MKNK1: variants seen among roughly 807,000 people sequenced by gnomAD.
MKNK1 encodes the protein MAPK interacting serine/threonine kinase 1.
Under a neutral mutation model 49.3 loss-of-function variants are expected in MKNK1, and 30 were observed. The ratio of observed to expected loss-of-function variants is 0.61; its 90% confidence interval spans 0.46 to 0.83. The LOEUF (loss-of-function observed/expected upper bound fraction) is 0.83. Ranked by LOEUF, MKNK1 falls within the 40% of genes least tolerant of loss-of-function variation. The probability of loss-of-function intolerance (pLI) is 0.00; values close to 1 mark genes in which losing one functional copy is unlikely to be tolerated. For synonymous variants in MKNK1, 176 were observed against 201.7 expected (o/e 0.87, Z 1.08); for missense variants, 423 against 524.7 (o/e 0.81, Z 1.89).
chr1:46,560,160 T>TC, intron 12 of MKNK1, 74 bp downstream of exon 12: 1 of 1,547,790 alleles, frequency 6.5e-7, no homozygotes, highest in Non-Finnish European at 8.9e-7. Flanking sequence ...AGAGATGGGC[T>TC]CCCCCGGCCC....
intron 1 of MKNK1, among the ~76,000 whole-genome samples, chr1:46,599,368 G>A (rs998057157): frequency 1.3e-5 from 2 of 152,124 alleles, no homozygotes; most frequent in Non-Finnish European, 2.9e-5. Context: ...CTTTTGTAAC[G>A]TCAATCTCCC....
intron 2 of MKNK1, among the ~76,000 whole-genome samples, chr1:46,591,626 G>A (rs1471383269): frequency 1.3e-5 from 2 of 152,090 alleles, no homozygotes; most frequent in African/African-American, 4.8e-5. Context: ...TGCGCTCAAG[G>A]CCCCCAAGCA....
chr1:46,559,196 C>T (rs1347351389), intron 12 of MKNK1, among the ~76,000 whole-genome samples: 1 of 152,242 alleles, frequency 6.6e-6, no homozygotes. Flanking sequence ...ATGCCACGTC[C>T]CCAGCACCTA....
intron 6 of MKNK1, among the ~76,000 whole-genome samples, chr1:46,573,462 T>C (rs755196813): frequency 5.3e-5 from 8 of 152,236 alleles, no homozygotes; most frequent in Admixed American, 2.6e-4. Flanking sequence ...TTATGTTTAC[T>C]ACTAGAAGCC....
chr1:46,578,319 G>C (rs1557862070), intron 4 of MKNK1, among the ~76,000 whole-genome samples: 1 of 152,138 alleles, frequency 6.6e-6, no homozygotes, highest in Admixed American at 6.5e-5. Context: ...GTATTGTGGG[G>C]CCATGTTGGG....
chr1:46,564,991 G>T, intron 9 of MKNK1, 50 bp downstream of exon 9: 1 of 1,564,976 alleles, frequency 6.4e-7, no homozygotes, highest in East Asian at 2.2e-5. Context: ...CCCAGCTCTG[G>T]ATCAGGGAAA....
intron 7 of MKNK1, chr1:46,571,367 G>T (rs933651814): frequency 1.1e-5 from 3 of 270,414 alleles, no homozygotes; most frequent in Non-Finnish European, 2.2e-5. Context: ...AACAGAGGGA[G>T]ACCCCATCTC....
chr1:46,578,502 T>C (rs1206919254), intron 4 of MKNK1, among the ~76,000 whole-genome samples: 1 of 152,104 alleles, frequency 6.6e-6, no homozygotes, highest in African/African-American at 2.4e-5. Context: ...CTTGAAGAAA[T>C]ATACCTCTCA....
chr1:46,599,281 A>G (rs1674443045), intron 1 of MKNK1, among the ~76,000 whole-genome samples: 2 of 152,316 alleles, frequency 1.3e-5, no homozygotes, highest in South Asian at 4.1e-4. Context: ...TGTCCTACTT[A>G]CAGACTCTTG....
chr1:46,586,432 C>T (rs1672580413), intron 2 of MKNK1, among the ~76,000 whole-genome samples: 1 of 152,164 alleles, frequency 6.6e-6, no homozygotes, highest in Admixed American at 6.5e-5. Flanking sequence ...CCCAAACACC[C>T]TGCGAGAAGC....
intron 2 of MKNK1, 63 bp from the exon 3 acceptor site, chr1:46,583,392 A>C: frequency 7.7e-7 from 1 of 1,296,420 alleles, no homozygotes; most frequent in Non-Finnish European, 1.1e-6. Context: ...AAATTTACCC[A>C]GAAGGAAAAA....
chr1:46,585,910 A>G (rs1672495988), intron 2 of MKNK1: 1 of 1,365,358 alleles, frequency 7.3e-7, no homozygotes, highest in African/African-American at 1.5e-5. Flanking sequence ...GAAAGAGGGT[A>G]CGCCAGAAGG....
intron 2 of MKNK1, among the ~76,000 whole-genome samples, chr1:46,590,836 A>C (rs905260341): frequency 2.6e-5 from 4 of 152,232 alleles, no homozygotes; most frequent in African/African-American, 9.6e-5. Context: ...ATGATGTGAA[A>C]AGGTTGGGCA....
rs1162013257 is a variant in MKNK1, at chr1:46,572,151, G to A, written c.369C>T (p.His123=). The part of the protein sequence containing the change: ...EKLQGGSILA[H]IQKQKHFNER... ...CATTGAAGTGCTTTTGCTTCTGGAT[G>A]TGGGCTAAGATGGAACCTGGGGAGC... Residue 123 remains histidine (H), a synonymous_variant, in exon 7 of 13, where the codon CAC becomes CAT. Transcript: ENST00000371945. The A allele has an allele frequency of 6.2e-7, 1 of 1,613,998 alleles. No individual in the cohort carries two copies. The highest frequency in any genetic ancestry group is 1.3e-5 in the African/African-American group (1 of 74,924).
intron 1 of MKNK1, among the ~76,000 whole-genome samples, chr1:46,602,920 GCT>G (rs1275634799): frequency 6.6e-6 from 1 of 152,180 alleles, no homozygotes; most frequent in Non-Finnish European, 1.5e-5. Flanking sequence ...CACGTGCTGG[GCT>G]CTGACAGCTC....
At chr1:46,581,078 C>G (rs371118653) in intron 3 of MKNK1, among the ~76,000 whole-genome samples, 75 of 152,004 alleles carry the variant, frequency 4.9e-4, no homozygotes, top group African/African-American at 1.7e-3. Context: ...ACGCATGATC[C>G]CTCTCCTCTA....
chr1:46,560,163 C>T (rs1224585891), intron 12 of MKNK1, 71 bp downstream of exon 12: 3 of 1,565,072 alleles, frequency 1.9e-6, no homozygotes, highest in Non-Finnish European at 2.6e-6. Context: ...GATGGGCTCC[C>T]CCGGCCCCCA....
At chr1:46,577,567 G>A (rs2148670234) in intron 4 of MKNK1, among the ~76,000 whole-genome samples, 1 of 152,192 alleles carries the variant, frequency 6.6e-6, no homozygotes, top group Non-Finnish European at 1.5e-5. Flanking sequence ...AAAAGATAGG[G>A]AGGTATGAAA....
chr1:46,582,194 C>T (rs1444571319), intron 3 of MKNK1, among the ~76,000 whole-genome samples: 2 of 152,134 alleles, frequency 1.3e-5, no homozygotes, highest in Non-Finnish European at 2.9e-5. Flanking sequence ...CCCTGACACA[C>T]ACAGACACAC....
Sources: gnomAD v4.1 joint callset for allele counts (sites outside exome capture counted in the v4.1 genomes callset) on GRCh38, gnomAD v4.1.1 for gene constraint, MANE v1.5 for transcripts, NCBI Gene and HGNC (gene_info 2026-07-23, HGNC 2026-07-21) for gene names.